Variants in IDS observed in about 807,000 individuals in gnomAD.
IDS encodes the protein alpha-L-iduronate sulfate sulfatase.
In IDS, 1 loss-of-function variant was observed where a neutral mutation model predicts 33.5. The observed-to-expected ratio is 0.03, with a 90% CI of 0.01 to 0.14. The LOEUF is 0.14. IDS is among the 10% of genes least tolerant of loss of function. The pLI is 1.00. For synonymous variants in IDS, 191 were observed against 184.4 expected, an observed-to-expected ratio of 1.04 and a Z score of -0.29; for missense variants, 328 against 448.0, an observed-to-expected ratio of 0.73 and a Z score of 2.42.
intron 7 of IDS, chrX:149,487,378 A>C: frequency 1.2e-6 from 1 of 830,703 alleles, no homozygotes; most frequent in Non-Finnish European, 1.8e-6. Context: ...CTAGCAACAT[A>C]TACCTAACGT....
chrX:149,503,146 C>T (rs1248777256), intron 3 of IDS, 166 bp downstream of exon 3: 2 of 1,159,474 alleles, frequency 1.7e-6, no homozygotes, highest in Non-Finnish European at 2.3e-6. Flanking sequence ...TGGGTGAAAA[C>T]GTGGCTGGGT....
Position 149,499,900 on chromosome X carries a change from C to T in IDS, c.507+1049G>A, listed in dbSNP as rs144109351. Among the ~76,000 whole-genome samples, 329 of 110,812 alleles carry T rather than the reference C, an allele frequency of 3.0e-3. 1 individual carries two copies. The highest frequency in any genetic ancestry group is 0.01 in the African/African-American group (318 of 30,400). ...TGCTTCCTAAAGTAGACATGCTGGC[C>T]GTGAGACCAAAGTTAGTTCTGACCA... On this transcript the variant is annotated intron_variant, in intron 4 of 8. Coordinates refer to ENST00000340855, the MANE Select transcript of IDS (RefSeq NM_000202.8).
chrX:149,488,849 G>T (rs1340419259), intron 7 of IDS, among the ~76,000 whole-genome samples: 1 of 111,479 alleles, frequency 9.0e-6, no homozygotes, highest in Non-Finnish European at 1.9e-5. Flanking sequence ...AGCTCAGGAG[G>T]TTTCTGGCTC....
intron 3 of IDS, 37 bp from the exon 4 acceptor site, chrX:149,501,074 T>G (rs1557339938): frequency 1.2e-6 from 1 of 826,976 alleles, no homozygotes; most frequent in Non-Finnish European, 1.8e-6. Context: ...ACATGATGAG[T>G]CTTTCAACAC....
chrX:149,491,266 A>G (rs1557338699), intron 6 of IDS, among the ~76,000 whole-genome samples: 1 of 112,263 alleles, frequency 8.9e-6, no homozygotes, highest in East Asian at 2.8e-4. Context: ...CAAAGGAGAT[A>G]CCAGAGAGCA....
At chrX:149,498,822 C>T (rs1431693688) in intron 4 of IDS, among the ~76,000 whole-genome samples, 5 of 112,541 alleles carry the variant, frequency 4.4e-5, no homozygotes, top group Non-Finnish European at 7.5e-5. Flanking sequence ...AGAACCCTCT[C>T]ACATTGCTGG....
chrX:149,490,267 G>A, intron 7 of IDS, 47 bp downstream of exon 7: 1 of 1,191,331 alleles, frequency 8.4e-7, no homozygotes, highest in Non-Finnish European at 1.1e-6. Flanking sequence ...ATGTTTCACA[G>A]GAAAGTTCAG....
At chrX:149,483,503 C>T (rs73640666) in intron 8 of IDS, among the ~76,000 whole-genome samples, 1 of 111,226 alleles carries the variant, frequency 9.0e-6, no homozygotes, top group Non-Finnish European at 1.9e-5. Flanking sequence ...CTGACTCAGA[C>T]AAGGATCATC....
At chrX:149,498,501 T>C (rs2089454106) in intron 4 of IDS, among the ~76,000 whole-genome samples, 194 bp from the exon 5 acceptor site, 1 of 112,236 alleles carries the variant, frequency 8.9e-6, no homozygotes, top group Non-Finnish European at 1.9e-5. Context: ...AGAAATCCAC[T>C]AGCACTTGGT....
In IDS at chrX:149,504,293, T is replaced by A. The variant is rs144081417; in HGVS notation, c.104A>T (p.Asp35Val). Residue 35 changes from aspartate to valine, a missense_variant and splice_region_variant, in exon 2 of 9, where the codon GAT becomes GTT. Transcript: ENST00000340855. ...GSETQANSTT[D>V]ALNVLLIIVD... The stretch of plus-strand genomic sequence containing the variant: ...GATGATGAGAAGAACGTTCAGAGCA[T>A]CTACACAGGAGGGAGGGGCTTTGGT... The A allele has an allele frequency of 1.7e-6, 2 of 1,206,566 alleles. No individual in the cohort carries two copies. Among genetic ancestry groups the A allele is most frequent in the South Asian group, 3.6e-5 (2 of 56,212 alleles).
intron 8 of IDS, among the ~76,000 whole-genome samples, chrX:149,484,749 T>C (rs781927858): frequency 6.3e-4 from 71 of 112,747 alleles, no homozygotes; most frequent in African/African-American, 2.2e-3. Flanking sequence ...AAAATTGCAA[T>C]TGGATTTGCA....
chrX:149,491,738 C>G, intron 6 of IDS: 1 of 827,397 alleles, frequency 1.2e-6, no homozygotes, highest in East Asian at 7.7e-5. Context: ...CTATGCTAGC[C>G]CCTGGACGTA....
intron 3 of IDS, chrX:149,502,958 C>G: frequency 2.3e-6 from 1 of 428,657 alleles, no homozygotes; most frequent in Admixed American, 4.2e-5. Flanking sequence ...CACCCCACCC[C>G]TAGGTTTACT....
rs1245896283 is a variant in IDS at position 149,482,062 on chromosome X, C to T, written c.*684G>A. 2 of 112,389 alleles carry T rather than the reference C, an allele frequency of 1.8e-5. No individual in the cohort carries two copies. Among genetic ancestry groups the T allele is most frequent in the Non-Finnish European group, 3.8e-5 (2 of 53,260 alleles). The allele number at this position is 112,389 out of a possible 1,213,427, so 9.3% of individuals were successfully genotyped here. On this transcript the variant is annotated 3_prime_UTR_variant, in exon 9 of 9. Coordinates refer to ENST00000340855, the MANE Select transcript of IDS (RefSeq NM_000202.8). ...AAGTTTAACCAAATTTCCTACACAT[C>T]TCATATCTCTAGTTTATTAAGCATT...
chrX:149,480,466 C>G lies in IDS; in HGVS notation c.*2280G>C. On this transcript the variant is annotated 3_prime_UTR_variant, in exon 9 of 9. Coordinates refer to ENST00000340855, the MANE Select transcript of IDS (RefSeq NM_000202.8). The stretch of plus-strand genomic sequence containing the variant: ...TTGCCAACATCCAACAAATTCAGTT[C>G]AAAACCACAGAAAATCTAGGAGTCT... The G allele has an allele frequency of 3.4e-6, 1 of 297,135 alleles. No individual in the cohort carries two copies. Among genetic ancestry groups the G allele is most frequent in the Non-Finnish European group, 5.9e-6 (1 of 170,124 alleles). The allele number at this position is 297,135 out of a possible 1,213,427, so 24.5% of individuals were successfully genotyped here.
chrX:149,494,017 G>A (rs1373085827), intron 6 of IDS, among the ~76,000 whole-genome samples: 3 of 111,466 alleles, frequency 2.7e-5, no homozygotes, highest in Non-Finnish European at 1.9e-5. Context: ...TCATGCAAAC[G>A]GAGCAGCTGC....
Position 149,484,563 on chromosome X carries a change from G to A in IDS, c.1181-1345C>T, listed in dbSNP as rs782720150. Among the ~76,000 whole-genome samples, 20 of 112,596 alleles carry A rather than the reference G, an allele frequency of 1.8e-4. No individual in the cohort carries two copies. In the South Asian group the frequency reaches 3.6e-3, roughly 21 times the overall value. ...TCTTGATCTCCTGACCTCGTGATCC[G>A]CCCACCTTGGCCTCCCAAAGTGCTG... On this transcript the variant is annotated intron_variant, in intron 8 of 8. Transcript: ENST00000340855.
chrX:149,479,941 T>C lies in IDS; in HGVS notation c.*2805A>G. 4.2e-6 allele frequency: 1 copy of C among 236,456 alleles called. No homozygotes were observed. The allele number at this position is 236,456 out of a possible 1,213,427, so 19.5% of individuals were successfully genotyped here. A position where few individuals can be genotyped will look rare whatever the true frequency, so the allele number is the denominator to read the frequency against. On this transcript the variant is annotated 3_prime_UTR_variant, in exon 9 of 9. Coordinates refer to ENST00000340855, the MANE Select transcript of IDS (RefSeq NM_000202.8). ...TAGCAATGTTCATTCCATCCCACAA[T>C]AGAGTCTAGAGAGTCACAAAAACCT...
chrX:149,483,200 A>G lies in IDS; in HGVS notation c.1199T>C (p.Leu400Pro). ...LMEPGRQSMD[L>P]VELVSLFPTL... ...GGGAAAAAGAGACACAAGTTCCACA[A>G]GGTCCATGGATTGCCTGCCTGAAAC... Residue 400 changes from leucine to proline, a missense_variant, in exon 9 of 9, where the codon CTT (leucine) becomes CCT (proline). Leu to Pro is a moderately conservative substitution (Grantham distance 98). Transcript: ENST00000340855. 8.3e-7 allele frequency: 1 copy of G among 1,210,257 alleles called. No individual in the cohort carries two copies. Among genetic ancestry groups the G allele is most frequent in the Non-Finnish European group, 1.1e-6 (1 of 894,252 alleles).
Sources: allele counts gnomAD v4.1 joint callset (sites outside exome capture counted in the v4.1 genomes callset), GRCh38; gene constraint gnomAD v4.1.1; transcripts MANE v1.5; gene names NCBI Gene and HGNC (gene_info 2026-07-23, HGNC 2026-07-21).